The following PIK3CB variants were observed in gnomAD, a reference collection of about 807,000 sequenced individuals.
PIK3CB encodes phosphatidylinositol 4,5-bisphosphate 3-kinase catalytic subunit beta isoform.
Under a neutral mutation model 136.8 loss-of-function variants are expected in PIK3CB, and 39 were observed. The ratio of observed to expected loss-of-function variants is 0.29; its 90% CI spans 0.22 to 0.37. The LOEUF (loss-of-function observed/expected upper bound fraction) is 0.37, where lower values mean the gene tolerates loss of function less well. Ranked by LOEUF, PIK3CB falls within the 10% of genes least tolerant of loss-of-function variation. The pLI is 1.00. For missense variants in PIK3CB, 868 were observed against 1,275.4 expected, an observed-to-expected ratio of 0.68 and a Z score of 4.87; for synonymous variants, 428 against 436.6, an observed-to-expected ratio of 0.98 and a Z score of 0.25.
intron 8 of PIK3CB, 118 bp from the exon 9 acceptor site, chr3:138,714,837 G>A: frequency 1.1e-6 from 1 of 907,876 alleles, no homozygotes; most frequent in Non-Finnish European, 1.6e-6. Flanking sequence ...GGAGAAGGAA[G>A]GAACATACTG....
At chr3:138,695,634 A>C (rs2044119893) in intron 13 of PIK3CB, among the ~76,000 whole-genome samples, 1 of 152,170 alleles carries the variant, frequency 6.6e-6, no homozygotes, top group Non-Finnish European at 1.5e-5. Context: ...AATTTTTTAA[A>C]AATTAGCTTA....
At chr3:138,782,381 A>G (rs1022794046) in intron 2 of PIK3CB, among the ~76,000 whole-genome samples, 1 of 152,232 alleles carries the variant, frequency 6.6e-6, no homozygotes, top group Non-Finnish European at 1.5e-5. Context: ...CGATGGAAAC[A>G]CTTTGCTTGT....
chr3:138,778,643 C>A, intron 2 of PIK3CB: 2 of 205,774 alleles, frequency 9.7e-6, no homozygotes, highest in South Asian at 1.4e-4. Flanking sequence ...CTGGGCTACT[C>A]TGAGTACCAG....
chr3:138,832,532 A>G (rs112780854), intron 1 of PIK3CB, among the ~76,000 whole-genome samples: 4 of 152,102 alleles, frequency 2.6e-5, no homozygotes, highest in African/African-American at 9.6e-5. Flanking sequence ...TCTCTACCAA[A>G]AATACAAAGA....
chr3:138,777,694 A>G (rs1167157596), intron 2 of PIK3CB: 1 of 154,072 alleles, frequency 6.5e-6, no homozygotes, highest in Non-Finnish European at 1.4e-5. Context: ...AGCATGACCT[A>G]TTAGAATGAA....
intron 5 of PIK3CB, among the ~76,000 whole-genome samples, chr3:138,739,863 T>C (rs2045203404): frequency 6.7e-6 from 1 of 148,336 alleles, no homozygotes; most frequent in Non-Finnish European, 1.5e-5. Flanking sequence ...ATCGTGCCAC[T>C]GCACTCCAGC....
In PIK3CB at chr3:138,722,127, G is replaced by T. The variant is rs964791749; in HGVS notation, c.1051-7408C>A. ...TACCTACTAGGAATCTTGCTACTGG[G>T]TGTTTTTTTTTTTTTTTTCTTATTT... On this transcript the variant is annotated intron_variant, in intron 8 of 23. Transcript: ENST00000674063. 1.4e-3 allele frequency among the ~76,000 whole-genome samples: 132 copies of T among 95,138 alleles called. 1 individual carries two copies. In the Middle Eastern group the frequency reaches 0.028, roughly 20 times the overall value. 62.4% of individuals were successfully genotyped at this position (95,138 alleles called of 152,430 possible). A position where few individuals can be genotyped will look rare whatever the true frequency, so the allele number is the denominator to read the frequency against.
chr3:138,811,212 C>T (rs1157552554), intron 1 of PIK3CB, among the ~76,000 whole-genome samples: 1 of 113,316 alleles, frequency 8.8e-6, no homozygotes, highest in Non-Finnish European at 1.6e-5. Context: ...CACTACACTA[C>T]AGCCTGGGTG....
intron 8 of PIK3CB, among the ~76,000 whole-genome samples, chr3:138,717,214 A>G (rs542314294): frequency 2.8e-4 from 43 of 151,316 alleles, no homozygotes; most frequent in African/African-American, 9.5e-4. Context: ...AGATTGTGCC[A>G]CTGCACTCCA....
At chr3:138,813,840 G>T (rs982688738) in intron 1 of PIK3CB, among the ~76,000 whole-genome samples, 43 of 152,242 alleles carry the variant, frequency 2.8e-4, no homozygotes, top group African/African-American at 1.0e-3. Context: ...TAAACAATTA[G>T]ATATGAGCAT....
intron 19 of PIK3CB, among the ~76,000 whole-genome samples, chr3:138,679,366 G>A (rs990101009): frequency 1.1e-4 from 16 of 151,816 alleles, no homozygotes; most frequent in African/African-American, 3.6e-4. Context: ...TTGCTCTGTT[G>A]CCCAGGATAG....
At chr3:138,677,368 T>A (rs2043669737) in intron 19 of PIK3CB, among the ~76,000 whole-genome samples, 1 of 152,012 alleles carries the variant, frequency 6.6e-6, no homozygotes, top group Non-Finnish European at 1.5e-5. Flanking sequence ...TTACTCAAGA[T>A]TGAGGGTAAT....
chr3:138,761,089 C>T (rs1281469557), intron 2 of PIK3CB, among the ~76,000 whole-genome samples: 1 of 152,134 alleles, frequency 6.6e-6, no homozygotes, highest in Non-Finnish European at 1.5e-5. Context: ...ACTTTACAAT[C>T]GTCCGTGTCT....
chr3:138,733,293 T>C (rs1457087173), intron 8 of PIK3CB, 68 bp downstream of exon 8: 6 of 652,340 alleles, frequency 9.2e-6, no homozygotes, highest in South Asian at 2.0e-5. Context: ...TGTGACATTA[T>C]TGAGCATATC....
intron 1 of PIK3CB, among the ~76,000 whole-genome samples, chr3:138,833,570 C>T (rs1270271507): frequency 6.6e-6 from 1 of 152,162 alleles, no homozygotes; most frequent in Non-Finnish European, 1.5e-5. Context: ...TATTACGAAT[C>T]ATATCTCCAA....
intron 2 of PIK3CB, among the ~76,000 whole-genome samples, chr3:138,783,558 G>A (rs1380905187): frequency 1.3e-5 from 2 of 152,144 alleles, no homozygotes; most frequent in African/African-American, 4.8e-5. Context: ...GCTGGGAATA[G>A]AGGCATGAGC....
chr3:138,712,628 G>A (rs773989031), intron 9 of PIK3CB, among the ~76,000 whole-genome samples: 3 of 149,814 alleles, frequency 2.0e-5, no homozygotes, highest in Admixed American at 6.7e-5. Context: ...GAGTGGTGGT[G>A]TGATCTCGGC....
intron 1 of PIK3CB, chr3:138,825,498 C>T (rs746337226): frequency 1.2e-4 from 81 of 691,888 alleles, no homozygotes; most frequent in Non-Finnish European, 5.2e-5. Context: ...GCTACAACCC[C>T]GACACAGTAG....
intron 2 of PIK3CB, among the ~76,000 whole-genome samples, chr3:138,777,474 CA>C (rs1398473092): frequency 6.6e-6 from 1 of 152,124 alleles, no homozygotes; most frequent in Non-Finnish European, 1.5e-5. Flanking sequence ...CTGCTAGTAC[CA>C]ATAGCCAAAC....
Sources: allele counts gnomAD v4.1 joint callset (sites outside exome capture counted in the v4.1 genomes callset), GRCh38; gene constraint gnomAD v4.1.1; transcripts MANE v1.5; gene names NCBI Gene and HGNC (gene_info 2026-07-23, HGNC 2026-07-21).